Variants in SCFD2 observed in about 807,000 individuals in gnomAD.
The protein encoded by SCFD2 is sec1 family domain containing 2.
Under a neutral mutation model 58.9 loss-of-function variants are expected in SCFD2, and 54 were observed. That is an observed-to-expected ratio of 0.92 (90% CI 0.74 to 1.15). The LOEUF (loss-of-function observed/expected upper bound fraction) is 1.15, where lower values mean the gene tolerates loss of function less well. SCFD2 is among the 50% of genes most tolerant of loss of function. The probability of loss-of-function intolerance (pLI) is 0.00; values close to 1 mark genes in which losing one functional copy is unlikely to be tolerated. For missense variants in SCFD2, 805 were observed against 836.6 expected, an observed-to-expected ratio of 0.96 and a Z score of 0.47; for synonymous variants, 321 against 335.9, an observed-to-expected ratio of 0.96 and a Z score of 0.49.
chr4:52,978,292 C>A (rs1721297585), intron 5 of SCFD2, among the ~76,000 whole-genome samples: 1 of 152,138 alleles, frequency 6.6e-6, no homozygotes, highest in Admixed American at 6.5e-5. Flanking sequence ...CAGGTCTAAA[C>A]AGAATTCTGC....
chr4:52,892,079 C>T (rs1196008288), intron 7 of SCFD2, among the ~76,000 whole-genome samples: 1 of 152,254 alleles, frequency 6.6e-6, no homozygotes, highest in Non-Finnish European at 1.5e-5. Flanking sequence ...ATAAGGCTGT[C>T]TCTCAGGCTC....
chr4:53,306,704 TATA>T (rs1203370112), intron 3 of SCFD2, among the ~76,000 whole-genome samples: 2 of 152,164 alleles, frequency 1.3e-5, no homozygotes, highest in African/African-American at 4.8e-5. Context: ...CACACTTAAC[TATA>T]TCACATCATT....
chr4:53,135,061 G>T (rs1337786987), intron 5 of SCFD2, among the ~76,000 whole-genome samples: 2 of 151,814 alleles, frequency 1.3e-5, no homozygotes, highest in Admixed American at 6.6e-5. Flanking sequence ...AGATTAAAAT[G>T]TAAACAAATG....
intron 1 of SCFD2, among the ~76,000 whole-genome samples, chr4:53,357,694 G>A (rs988434883): frequency 2.6e-5 from 4 of 152,068 alleles, no homozygotes; most frequent in Non-Finnish European, 5.9e-5. Flanking sequence ...AAAGATATAA[G>A]TTAGTTAGTT....
chr4:52,877,240 G>A (rs1408849691), intron 8 of SCFD2, among the ~76,000 whole-genome samples: 3 of 152,208 alleles, frequency 2.0e-5, no homozygotes, highest in Non-Finnish European at 4.4e-5. Context: ...GAACAAGCAG[G>A]TGTTTAACAG....
intron 5 of SCFD2, among the ~76,000 whole-genome samples, chr4:53,011,116 T>C (rs1000430408): frequency 9.2e-5 from 14 of 152,228 alleles, no homozygotes; most frequent in Admixed American, 3.3e-4. Context: ...GACATCAGAA[T>C]ATTATGTTTG....
rs1718393472 is a variant in SCFD2 at position 52,873,297 on chromosome 4, C to T, written c.*672G>A. The stretch of plus-strand genomic sequence containing the variant: ...AGAAAACCTTTTATATACAGATAAC[C>T]CTCCAATCAACCACCTTCCCACTAC... On this transcript the variant is annotated 3_prime_UTR_variant, in exon 9 of 9. Coordinates refer to ENST00000401642, the MANE Select transcript of SCFD2 (RefSeq NM_152540.4). 2 of 152,136 alleles carry T rather than the reference C, an allele frequency of 1.3e-5. No homozygotes were observed. The highest frequency in any genetic ancestry group is 4.1e-4 in the South Asian group (2 of 4,824). The allele number at this position is 152,136 out of a possible 1,614,324, so 9.4% of individuals were successfully genotyped here.
At chr4:53,018,356 GAA>G (rs1045731065) in intron 5 of SCFD2, among the ~76,000 whole-genome samples, 3 of 152,092 alleles carry the variant, frequency 2.0e-5, no homozygotes, top group African/African-American at 7.2e-5. Context: ...TGTACACCCA[GAA>G]AAAGACAGAT....
chr4:53,295,893 A>C (rs528414932), intron 3 of SCFD2, among the ~76,000 whole-genome samples: 48 of 152,310 alleles, frequency 3.2e-4, no homozygotes, highest in African/African-American at 1.1e-3. Context: ...TATTGAGATA[A>C]TCATGTGGTT....
At chr4:53,281,356 T>C (rs570877739) in intron 3 of SCFD2, among the ~76,000 whole-genome samples, 3 of 152,288 alleles carry the variant, frequency 2.0e-5, no homozygotes, top group East Asian at 3.9e-4. Context: ...TCCTAGTATG[T>C]GATGCAAAAC....
intron 5 of SCFD2, among the ~76,000 whole-genome samples, chr4:53,008,560 AG>A (rs1325236253): frequency 6.6e-6 from 1 of 152,254 alleles, no homozygotes; most frequent in Non-Finnish European, 1.5e-5. Context: ...CAATGTTGGA[AG>A]GACACTGTAG....
chr4:53,076,388 G>A (rs896901214), intron 5 of SCFD2, among the ~76,000 whole-genome samples: 1 of 152,128 alleles, frequency 6.6e-6, no homozygotes, highest in Non-Finnish European at 1.5e-5. Context: ...GCAGGCAAGA[G>A]CGGACCCATC....
At chr4:53,259,978 C>T (rs1254819718) in intron 4 of SCFD2, among the ~76,000 whole-genome samples, 4 of 143,478 alleles carry the variant, frequency 2.8e-5, no homozygotes, top group Non-Finnish European at 4.6e-5. Flanking sequence ...TTTTTTGCAG[C>T]TATTGTTAAG....
intron 2 of SCFD2, among the ~76,000 whole-genome samples, chr4:53,327,187 C>T (rs1733228779): frequency 6.6e-6 from 1 of 151,666 alleles, no homozygotes; most frequent in African/African-American, 2.4e-5. Flanking sequence ...GGGTTGGTAG[C>T]CGAATACAAG....
At chr4:52,987,067 T>C (rs182042381) in intron 5 of SCFD2, among the ~76,000 whole-genome samples, 39 of 152,290 alleles carry the variant, frequency 2.6e-4, no homozygotes, top group African/African-American at 9.1e-4. Context: ...TCTCGCTCCG[T>C]CGCCCAGGCT....
intron 5 of SCFD2, among the ~76,000 whole-genome samples, chr4:52,935,958 C>A (rs977616912): frequency 6.6e-6 from 1 of 152,144 alleles, no homozygotes; most frequent in Non-Finnish European, 1.5e-5. Context: ...CTGCCTCAGC[C>A]TCCCGAGTAG....
intron 7 of SCFD2, among the ~76,000 whole-genome samples, chr4:52,890,325 C>T (rs893648227): frequency 6.6e-6 from 1 of 152,168 alleles, no homozygotes; most frequent in Non-Finnish European, 1.5e-5. Context: ...AAGAACAATA[C>T]CCTGGGGCTA....
intron 2 of SCFD2, among the ~76,000 whole-genome samples, chr4:53,343,481 A>T (rs1318397609): frequency 6.6e-6 from 1 of 152,226 alleles, no homozygotes; most frequent in African/African-American, 2.4e-5. Flanking sequence ...CACCAAAAAA[A>T]GTCCAGGACC....
At chr4:53,264,246 A>C (rs1204590594) in intron 4 of SCFD2, among the ~76,000 whole-genome samples, 1 of 152,204 alleles carries the variant, frequency 6.6e-6, no homozygotes, top group Non-Finnish European at 1.5e-5. Flanking sequence ...GAAAGCAAGC[A>C]GACTCAGTTT....
Sources: gnomAD v4.1 joint callset for allele counts (sites outside exome capture counted in the v4.1 genomes callset) on GRCh38, gnomAD v4.1.1 for gene constraint, MANE v1.5 for transcripts, NCBI Gene and HGNC (gene_info 2026-07-23, HGNC 2026-07-21) for gene names.